The following TMEM132E variants were observed in gnomAD, a reference collection of about 807,000 sequenced individuals.
TMEM132E encodes transmembrane protein 132E.
A neutral mutation model predicts 78.5 loss-of-function variants in TMEM132E; 49 were observed. That is an observed-to-expected ratio of 0.62 (90% CI 0.50 to 0.79). The LOEUF is 0.79. TMEM132E is among the 30% of genes least tolerant of loss of function. The pLI is 0.00. For missense variants in TMEM132E, 1,403 were observed against 1,470.9 expected (o/e 0.95, Z 0.75); for synonymous variants, 715 against 670.6 (o/e 1.07, Z -1.02).
At chr17:34,629,986 C>T (rs768610873) in intron 4 of TMEM132E, 22 bp from the exon 5 acceptor site, 134 of 1,586,230 alleles carry the variant, frequency 8.4e-5, no homozygotes, top group Non-Finnish European at 7.7e-5. Context: ...CAAGTAGAGC[C>T]CCCCCCTTCT....
Position 34,632,770 on chromosome 17 carries a change from G to T in TMEM132E, c.1549G>T (p.Val517Phe). The T allele has an allele frequency of 6.2e-7, 1 of 1,614,184 alleles. No individual in the cohort carries two copies. Among genetic ancestry groups the T allele is most frequent in the Non-Finnish European group, 8.5e-7 (1 of 1,180,038 alleles). The change falls in exon 6 of 9, where the codon GTC becomes TTC. Residue 517 changes from valine to phenylalanine, a missense_variant. Physicochemically the swap from Val to Phe is conservative, Grantham distance 50. Coordinates refer to ENST00000631683, the MANE Select transcript of TMEM132E (RefSeq NM_001304438.2). ...KESRGSMNAR[V>F]TFRYDVLNAP... ...GTCTCGAGGGTCCATGAACGCCAGG[G>T]TCACCTTCCGCTACGACGTCCTCAA... is the stretch of plus-strand genomic sequence containing the variant.
intron 1 of TMEM132E, among the ~76,000 whole-genome samples, chr17:34,612,569 A>T (rs948133812): frequency 3.9e-5 from 6 of 152,216 alleles, no homozygotes; most frequent in African/African-American, 1.2e-4. Flanking sequence ...CTCAGTTAAA[A>T]CAGGCATCAG....
At chr17:34,602,141 A>G (rs1906262309) in intron 1 of TMEM132E, among the ~76,000 whole-genome samples, 1 of 152,150 alleles carries the variant, frequency 6.6e-6, no homozygotes, top group South Asian at 2.1e-4. Context: ...AAAATGGGGG[A>G]GGCAGGGACC....
At position 34,610,153 on chromosome 17, in the gene TMEM132E, G is replaced by A. The variant is rs868425626; in HGVS notation, c.68-15974G>A. Among the ~76,000 whole-genome samples the A allele has an allele frequency of 3.5e-4, 53 of 152,234 alleles. No individual in the cohort carries two copies. In the Middle Eastern group the frequency reaches 0.01, roughly 29 times the overall value. Reference sequence around the variant, plus strand: ...TGCTCAGGGAGCTCTGCACTTCTCCGAAGCCTAGCAGCACTTCCTACCTTT... The same window carrying A: ...TGCTCAGGGAGCTCTGCACTTCTCCAAAGCCTAGCAGCACTTCCTACCTTT... On this transcript the variant is annotated intron_variant, in intron 1 of 8. Transcript: ENST00000631683.
At chr17:34,618,336 C>G (rs1376647172) in intron 1 of TMEM132E, among the ~76,000 whole-genome samples, 1 of 151,782 alleles carries the variant, frequency 6.6e-6, no homozygotes, top group Non-Finnish European at 1.5e-5. Flanking sequence ...CTTCTGGGCT[C>G]AAGTGATCCT....
chr17:34,602,299 G>A (rs1389090823), intron 1 of TMEM132E, among the ~76,000 whole-genome samples: 3 of 152,356 alleles, frequency 2.0e-5, no homozygotes, highest in South Asian at 4.1e-4. Context: ...GCAAGAGATT[G>A]AGGCAGCAGC....
chr17:34,622,239 C>T (rs1333022444), intron 1 of TMEM132E, among the ~76,000 whole-genome samples: 1 of 152,216 alleles, frequency 6.6e-6, no homozygotes, highest in Non-Finnish European at 1.5e-5. Context: ...GGGCCTTCTC[C>T]ACCTCCCAGG....
At chr17:34,594,193 C>T (rs9908478) in intron 1 of TMEM132E, among the ~76,000 whole-genome samples, 46,863 of 152,022 alleles carry the variant, frequency 0.31, 8,569 homozygotes, top group African/African-American at 0.52. Flanking sequence ...ACTGCTGTAT[C>T]CCCAACCCCT....
chr17:34,612,565 T>TA (rs1394947351), intron 1 of TMEM132E, among the ~76,000 whole-genome samples: 1 of 152,186 alleles, frequency 6.6e-6, no homozygotes, highest in Non-Finnish European at 1.5e-5. Flanking sequence ...AGGCCTCAGT[T>TA]AAAACAGGCA....
intron 6 of TMEM132E, among the ~76,000 whole-genome samples, chr17:34,633,223 A>G (rs1232445049): frequency 6.6e-6 from 1 of 152,232 alleles, no homozygotes; most frequent in Admixed American, 6.5e-5. Context: ...GCACAAGGAG[A>G]GAACCCCCTC....
intron 1 of TMEM132E, among the ~76,000 whole-genome samples, chr17:34,592,526 C>T (rs1366056535): frequency 1.3e-5 from 2 of 152,218 alleles, no homozygotes; most frequent in African/African-American, 4.8e-5. Flanking sequence ...GGGAGAGATA[C>T]AGGCTTGAAC....
At chr17:34,612,308 C>T (rs887264487) in intron 1 of TMEM132E, among the ~76,000 whole-genome samples, 6 of 152,176 alleles carry the variant, frequency 3.9e-5, no homozygotes, top group African/African-American at 2.4e-5. Flanking sequence ...GTGGTCAATT[C>T]GGGGCTGAGG....
At chr17:34,594,945 A>G (rs1270109919) in intron 1 of TMEM132E, among the ~76,000 whole-genome samples, 2 of 152,218 alleles carry the variant, frequency 1.3e-5, no homozygotes, top group Non-Finnish European at 2.9e-5. Flanking sequence ...GCATGCAGAG[A>G]TGAAGACACA....
At chr17:34,583,719 G>A (rs1380172390) in intron 1 of TMEM132E, among the ~76,000 whole-genome samples, 3 of 152,112 alleles carry the variant, frequency 2.0e-5, no homozygotes, top group Admixed American at 1.3e-4. Flanking sequence ...TGACTCTGGC[G>A]CCACCGGGCA....
intron 2 of TMEM132E, among the ~76,000 whole-genome samples, chr17:34,627,467 C>CGTGTGT (rs145658598): frequency 0.083 from 10,545 of 126,436 alleles, 605 homozygotes; most frequent in Non-Finnish European, 0.11. Flanking sequence ...CCAAAAGAAT[C>CGTGTGT]GTGTGTGTGT....
chr17:34,633,036 C>A, intron 6 of TMEM132E, 127 bp downstream of exon 6: 2 of 1,037,304 alleles, frequency 1.9e-6, no homozygotes, highest in Non-Finnish European at 2.9e-6. Context: ...GTTGTGCAGT[C>A]AACAAGCTTT....
At chr17:34,593,078 G>GT (rs1342123341) in intron 1 of TMEM132E, among the ~76,000 whole-genome samples, 1 of 150,994 alleles carries the variant, frequency 6.6e-6, no homozygotes, top group Non-Finnish European at 1.5e-5. Context: ...TTAATAGTAT[G>GT]TTTTAACCAA....
chr17:34,604,407 C>T (rs780398440), intron 1 of TMEM132E, among the ~76,000 whole-genome samples: 15 of 152,174 alleles, frequency 9.9e-5, no homozygotes, highest in African/African-American at 3.1e-4. Flanking sequence ...ACCATGTCAC[C>T]GGCATCCATC....
At chr17:34,613,225 G>GCGCGCA (rs1413683784) in intron 1 of TMEM132E, among the ~76,000 whole-genome samples, 1 of 150,098 alleles carries the variant, frequency 6.7e-6, no homozygotes, top group African/African-American at 2.4e-5. Flanking sequence ...GCGCGCGCGC[G>GCGCGCA]CGTTCTTACA....
Sources: gnomAD v4.1 joint callset for allele counts (sites outside exome capture counted in the v4.1 genomes callset) on GRCh38, gnomAD v4.1.1 for gene constraint, MANE v1.5 for transcripts, NCBI Gene and HGNC (gene_info 2026-07-23, HGNC 2026-07-21) for gene names.